SORCS2: variants seen among roughly 807,000 people sequenced by gnomAD.
SORCS2 encodes the protein sortilin related VPS10 domain containing receptor 2, also known as VPS10 domain-containing receptor SorCS2.
A neutral mutation model predicts 141.6 loss-of-function variants in SORCS2; 100 were observed. The observed-to-expected ratio is 0.71, with a 90% CI of 0.60 to 0.83. The LOEUF (loss-of-function observed/expected upper bound fraction) is 0.83, where lower values mean the gene tolerates loss of function less well. Among genes scored for constraint, SORCS2 ranks in the 40% least tolerant of loss-of-function variants. SORCS2 has a pLI of 0.00. For synonymous variants in SORCS2, 789 were observed against 676.9 expected (o/e 1.17, Z -2.57); for missense variants, 1,646 against 1,560.2 (o/e 1.05, Z -0.93).
chr4:7,333,460 A>G (rs1719788672), intron 1 of SORCS2, among the ~76,000 whole-genome samples: 1 of 152,092 alleles, frequency 6.6e-6, no homozygotes, highest in South Asian at 2.1e-4. Flanking sequence ...TTTTGGTGGG[A>G]CGTGCTCCCT....
At chr4:7,683,232 G>T (rs74549909) in intron 10 of SORCS2, among the ~76,000 whole-genome samples, 1 of 148,600 alleles carries the variant, frequency 6.7e-6, no homozygotes, top group Middle Eastern at 3.5e-3. Flanking sequence ...GCTGACCTTG[G>T]CTGGGATCAG....
chr4:7,434,562 T>G (rs1230574225), intron 2 of SORCS2: 1 of 1,613,378 alleles, frequency 6.2e-7, no homozygotes, highest in Non-Finnish European at 8.5e-7. Context: ...TCCACTTGCA[T>G]CCGGCTGAAG....
At chr4:7,420,531 G>T (rs191588693) in intron 2 of SORCS2, among the ~76,000 whole-genome samples, 5 of 152,292 alleles carry the variant, frequency 3.3e-5, no homozygotes, top group Admixed American at 2.6e-4. Context: ...CTTCTTTCAT[G>T]TGCAGCTGGA....
chr4:7,467,740 C>T (rs1181266906), intron 2 of SORCS2, among the ~76,000 whole-genome samples: 1 of 152,228 alleles, frequency 6.6e-6, no homozygotes, highest in East Asian at 1.9e-4. Context: ...GCGGCCACTG[C>T]CACAAAATGA....
At chr4:7,578,713 C>T (rs545262775) in intron 3 of SORCS2, among the ~76,000 whole-genome samples, 8 of 152,316 alleles carry the variant, frequency 5.3e-5, no homozygotes, top group Middle Eastern at 3.4e-3. Context: ...GTTCCCACCC[C>T]GACTTGACGG....
chr4:7,232,756 G>A (rs1046652882), intron 1 of SORCS2, among the ~76,000 whole-genome samples: 8 of 152,184 alleles, frequency 5.3e-5, no homozygotes, highest in African/African-American at 1.9e-4. Context: ...AGTAGGCAGC[G>A]ACACTGTGGG....
At chr4:7,228,120 T>G (rs1209034906) in intron 1 of SORCS2, among the ~76,000 whole-genome samples, 1 of 152,166 alleles carries the variant, frequency 6.6e-6, no homozygotes, top group African/African-American at 2.4e-5. Context: ...GGCTGGAAGC[T>G]AAGACAAGAT....
chr4:7,229,045 G>A (rs904675055), intron 1 of SORCS2, among the ~76,000 whole-genome samples: 2 of 152,322 alleles, frequency 1.3e-5, no homozygotes, highest in African/African-American at 4.8e-5. Context: ...TGTGTTGAGG[G>A]GTCCCCGTGC....
At chr4:7,437,948 C>T (rs543358506) in intron 2 of SORCS2, among the ~76,000 whole-genome samples, 4 of 152,146 alleles carry the variant, frequency 2.6e-5, no homozygotes, top group South Asian at 2.1e-4. Context: ...AACCTTCGAG[C>T]GTAGGTGGAG....
At chr4:7,277,094 G>A (rs1348905907) in intron 1 of SORCS2, among the ~76,000 whole-genome samples, 3 of 143,402 alleles carry the variant, frequency 2.1e-5, no homozygotes, top group South Asian at 4.4e-4. Flanking sequence ...CTGCCCCCAC[G>A]TCCTGTGAGG....
At chr4:7,367,126 C>T (rs1441027137) in intron 1 of SORCS2, among the ~76,000 whole-genome samples, 1 of 152,220 alleles carries the variant, frequency 6.6e-6, no homozygotes, top group Non-Finnish European at 1.5e-5. Context: ...GTGGCCCCAG[C>T]AATGACATTA....
chr4:7,489,049 G>A (rs966317689), intron 2 of SORCS2, among the ~76,000 whole-genome samples: 8 of 152,170 alleles, frequency 5.3e-5, no homozygotes, highest in African/African-American at 1.4e-4. Flanking sequence ...GCATGCTAAG[G>A]CTGGGGATAC....
chr4:7,383,205 C>G (rs544264570), intron 1 of SORCS2, among the ~76,000 whole-genome samples: 1 of 152,124 alleles, frequency 6.6e-6, no homozygotes, highest in East Asian at 1.9e-4. Context: ...TGTGTGGCTT[C>G]TTCCCAAGTT....
At chr4:7,632,176 C>G (rs1454840509) in intron 3 of SORCS2, among the ~76,000 whole-genome samples, 1 of 152,156 alleles carries the variant, frequency 6.6e-6, no homozygotes. Flanking sequence ...TGCTGGTCCC[C>G]GTAAACTGTG....
intron 1 of SORCS2, among the ~76,000 whole-genome samples, chr4:7,365,907 C>G (rs1048364065): frequency 1.3e-5 from 2 of 152,224 alleles, no homozygotes; most frequent in Non-Finnish European, 1.5e-5. Flanking sequence ...ATTGCCAGGA[C>G]TGGGCTGTCC....
intron 3 of SORCS2, among the ~76,000 whole-genome samples, chr4:7,568,789 A>G (rs983735458): frequency 2.6e-5 from 4 of 152,228 alleles, no homozygotes; most frequent in African/African-American, 9.6e-5. Context: ...GTAGAAGTCT[A>G]TTGCAATTAC....
intron 1 of SORCS2, among the ~76,000 whole-genome samples, chr4:7,303,568 A>C (rs1039474928): frequency 3.9e-5 from 6 of 152,152 alleles, no homozygotes; most frequent in African/African-American, 1.4e-4. Context: ...GTAGGGCTTA[A>C]AGGAAGAGTG....
rs372647979 is a variant in SORCS2, at chr4:7,650,686, G to A, written c.814-3448G>A. 2.0e-3 allele frequency among the ~76,000 whole-genome samples: 299 copies of A among 150,688 alleles called. 2 individuals carry two copies. Among genetic ancestry groups the A allele is most frequent in the African/African-American group, 6.6e-3 (272 of 40,994 alleles). ...AGGCAGACGCCAGCTCCGCAGACCC[G>A]GGTCCCCGCCTCCCTCTCCAGCCCT... On this transcript the variant is annotated intron_variant, in intron 4 of 26. Transcript: ENST00000507866.
At chr4:7,405,303 GTTC>G (rs1577509348) in intron 2 of SORCS2, among the ~76,000 whole-genome samples, 1 of 152,148 alleles carries the variant, frequency 6.6e-6, no homozygotes, top group East Asian at 1.9e-4. Context: ...CTCCAGCTTT[GTTC>G]TTCTTGCTTA....
Sources: allele counts gnomAD v4.1 joint callset (sites outside exome capture counted in the v4.1 genomes callset), GRCh38; gene constraint gnomAD v4.1.1; transcripts MANE v1.5; gene names NCBI Gene and HGNC (gene_info 2026-07-23, HGNC 2026-07-21).